AGTPBP1: variants seen among roughly 807,000 people sequenced by gnomAD.
AGTPBP1 encodes the protein cytosolic carboxypeptidase 1.
AGTPBP1 carries 70 observed loss-of-function variants against 143.9 expected under a neutral mutation model. The observed-to-expected ratio is 0.49, with a 90% confidence interval of 0.40 to 0.59. AGTPBP1 has a LOEUF of 0.59. AGTPBP1 is among the 20% of genes least tolerant of loss of function. The pLI is 0.00. For synonymous variants in AGTPBP1, 463 were observed against 500.2 expected, an observed-to-expected ratio of 0.93 and a Z score of 0.99; for missense variants, 1,229 against 1,464.5, an observed-to-expected ratio of 0.84 and a Z score of 2.62.
chr9:85,794,513 T>C, the AGTPBP1 span, among the ~76,000 whole-genome samples: 1 of 152,224 alleles, frequency 6.6e-6, no homozygotes, highest in Non-Finnish European at 1.5e-5. Context: ...CACTGGTCTA[T>C]ATGTCTGTCC....
At chr9:85,580,403 TTTTG>T (rs1287214009) in intron 23 of AGTPBP1, among the ~76,000 whole-genome samples, 1 of 152,036 alleles carries the variant, frequency 6.6e-6, no homozygotes, top group Non-Finnish European at 1.5e-5. Flanking sequence ...AAAGTTTTTT[TTTTG>T]TTTGTTTTTG....
At chr9:85,586,736 T>A (rs1828635438) in intron 22 of AGTPBP1, 95 bp downstream of exon 22, 2 of 1,381,242 alleles carry the variant, frequency 1.4e-6, no homozygotes, top group Admixed American at 2.1e-5. Flanking sequence ...CATAATGCAT[T>A]AATTTGACCT....
At chr9:85,750,452 T>C in the AGTPBP1 span, among the ~76,000 whole-genome samples, 2 of 152,248 alleles carry the variant, frequency 1.3e-5, no homozygotes, top group Non-Finnish European at 2.9e-5. Context: ...ATCCATGTCA[T>C]GATTATTGCT....
intron 14 of AGTPBP1, among the ~76,000 whole-genome samples, chr9:85,632,108 T>C (rs1831717534): frequency 6.6e-6 from 1 of 152,042 alleles, no homozygotes; most frequent in Non-Finnish European, 1.5e-5. Flanking sequence ...TATATATATA[T>C]TTATGGGGTA....
intron 1 of AGTPBP1, among the ~76,000 whole-genome samples, chr9:85,722,315 C>T (rs1047105085): frequency 1.3e-5 from 2 of 152,198 alleles, no homozygotes; most frequent in East Asian, 1.9e-4. Flanking sequence ...ACCAATCAAA[C>T]GTAGATTTGG....
At chr9:85,630,461 C>T (rs1564081784) in intron 14 of AGTPBP1, among the ~76,000 whole-genome samples, 1 of 148,848 alleles carries the variant, frequency 6.7e-6, no homozygotes, top group South Asian at 2.2e-4. Flanking sequence ...TGCAGTGGCA[C>T]GATTGATTGA....
intron 23 of AGTPBP1, among the ~76,000 whole-genome samples, chr9:85,579,612 G>C (rs1828120269): frequency 1.3e-5 from 2 of 150,676 alleles, no homozygotes; most frequent in Non-Finnish European, 1.5e-5. Context: ...GGGCGAGGGG[G>C]GGGGTGTAAG....
chr9:85,677,359 G>T (rs1834893485), intron 6 of AGTPBP1, 77 bp downstream of exon 6: 1 of 1,308,392 alleles, frequency 7.6e-7, no homozygotes. Context: ...TTTAAAAACT[G>T]AGTAGTTACA....
the AGTPBP1 span, among the ~76,000 whole-genome samples, chr9:85,785,259 A>G: frequency 6.6e-5 from 10 of 151,774 alleles, no homozygotes; most frequent in East Asian, 1.8e-3. Context: ...GTGTGAACCC[A>G]GGAGGCAGAG....
At chr9:85,764,701 C>G in the AGTPBP1 span, 1 of 1,111,970 alleles carries the variant, frequency 9.0e-7, no homozygotes, top group Non-Finnish European at 1.4e-6. Context: ...TGGGTTGTAT[C>G]TTTTAGGCCT....
intron 17 of AGTPBP1, among the ~76,000 whole-genome samples, chr9:85,608,362 G>C (rs1376664928): frequency 6.6e-6 from 1 of 151,904 alleles, no homozygotes; most frequent in African/African-American, 2.4e-5. Context: ...ACATACTATT[G>C]ATATAGTCTT....
chr9:85,574,468 A>C (rs899397033), intron 25 of AGTPBP1, among the ~76,000 whole-genome samples: 1 of 151,786 alleles, frequency 6.6e-6, no homozygotes, highest in Non-Finnish European at 1.5e-5. Context: ...ATGATCAAAA[A>C]AAAAAAAAAA....
chr9:85,630,017 G>T (rs1831554516), intron 14 of AGTPBP1, among the ~76,000 whole-genome samples: 1 of 152,132 alleles, frequency 6.6e-6, no homozygotes, highest in African/African-American at 2.4e-5. Context: ...TCAGTTTGAG[G>T]CAATTTAATA....
chr9:85,732,837 G>GT (rs1357167317), intron 1 of AGTPBP1, among the ~76,000 whole-genome samples: 7 of 152,006 alleles, frequency 4.6e-5, no homozygotes, highest in African/African-American at 1.7e-4. Context: ...GGCTATACTA[G>GT]TATCAGACAA....
At chr9:85,648,766 C>T (rs1185008740) in intron 11 of AGTPBP1, among the ~76,000 whole-genome samples, 3 of 151,940 alleles carry the variant, frequency 2.0e-5, no homozygotes, top group Non-Finnish European at 4.4e-5. Context: ...GAGCTGAGAT[C>T]GCGCCACTGC....
At chr9:85,714,872 T>C (rs1837601443) in intron 1 of AGTPBP1, among the ~76,000 whole-genome samples, 1 of 152,136 alleles carries the variant, frequency 6.6e-6, no homozygotes, top group Admixed American at 6.5e-5. Context: ...AATATATATG[T>C]GTGTATATAT....
intron 8 of AGTPBP1, among the ~76,000 whole-genome samples, chr9:85,665,897 C>G (rs563993381): frequency 1.3e-5 from 2 of 152,050 alleles, no homozygotes; most frequent in Admixed American, 1.3e-4. Flanking sequence ...TAGAACTTTA[C>G]CACAAAGAAA....
chr9:85,795,722 G>C, the AGTPBP1 span, among the ~76,000 whole-genome samples: 2 of 152,050 alleles, frequency 1.3e-5, no homozygotes, highest in Non-Finnish European at 2.9e-5. Flanking sequence ...TTGGTATTCT[G>C]GTTCCTGCAC....
intron 18 of AGTPBP1, among the ~76,000 whole-genome samples, chr9:85,593,843 C>T (rs1829124781): frequency 1.3e-5 from 2 of 152,132 alleles, no homozygotes; most frequent in South Asian, 4.1e-4. Flanking sequence ...ACTCGAAATA[C>T]TGCTGACATA....
Sources: allele counts gnomAD v4.1 joint callset (sites outside exome capture counted in the v4.1 genomes callset), GRCh38; gene constraint gnomAD v4.1.1; transcripts MANE v1.5; gene names NCBI Gene and HGNC (gene_info 2026-07-23, HGNC 2026-07-21).